Variants in GRIK3 observed in about 807,000 individuals in gnomAD.
GRIK3 encodes glutamate ionotropic receptor kainate type subunit 3, also known as glutamate receptor ionotropic, kainate 3.
GRIK3 carries 29 observed loss-of-function variants against 102.5 expected under a neutral mutation model. The observed-to-expected ratio is 0.28, with a 90% CI of 0.21 to 0.39. The LOEUF is 0.39. Among genes scored for constraint, GRIK3 ranks in the 10% least tolerant of loss-of-function variants. The pLI is 1.00. For synonymous variants in GRIK3, 511 were observed against 504.9 expected, an observed-to-expected ratio of 1.01 and a Z score of -0.16; for missense variants, 908 against 1,252.4, an observed-to-expected ratio of 0.73 and a Z score of 4.15.
intron 2 of GRIK3, among the ~76,000 whole-genome samples, chr1:36,884,093 G>T (rs1641012653): frequency 1.3e-5 from 2 of 152,156 alleles, no homozygotes; most frequent in Non-Finnish European, 2.9e-5. Flanking sequence ...GGCAACCCAG[G>T]ATTCATTGTG....
At chr1:37,028,823 C>G (rs966593392) in intron 1 of GRIK3, among the ~76,000 whole-genome samples, 1 of 152,198 alleles carries the variant, frequency 6.6e-6, no homozygotes, top group Non-Finnish European at 1.5e-5. Flanking sequence ...GTTCCCTCAC[C>G]TGTAAAATGG....
At chr1:36,922,322 G>T (rs998888094) in intron 1 of GRIK3, among the ~76,000 whole-genome samples, 1 of 152,174 alleles carries the variant, frequency 6.6e-6, no homozygotes. Context: ...GAGGTCAGGC[G>T]GTGGGTTCTG....
intron 1 of GRIK3, among the ~76,000 whole-genome samples, chr1:36,896,396 G>A (rs567892): frequency 0.045 from 6,797 of 152,178 alleles, 405 homozygotes; most frequent in African/African-American, 0.13. Context: ...TTTTGTTACT[G>A]TAAAATACTC....
intron 1 of GRIK3, among the ~76,000 whole-genome samples, chr1:36,991,628 T>G (rs1642364510): frequency 6.6e-6 from 1 of 152,202 alleles, no homozygotes; most frequent in Non-Finnish European, 1.5e-5. Flanking sequence ...CGCCAACTCA[T>G]GTCTCACTGA....
At chr1:36,906,245 A>G (rs1268058848) in intron 1 of GRIK3, among the ~76,000 whole-genome samples, 2 of 152,184 alleles carry the variant, frequency 1.3e-5, no homozygotes, top group East Asian at 3.9e-4. Flanking sequence ...GAGGTTCCCA[A>G]TTCAGGTTTC....
intron 1 of GRIK3, among the ~76,000 whole-genome samples, chr1:36,916,718 T>C (rs1641405921): frequency 1.3e-5 from 2 of 152,142 alleles, no homozygotes; most frequent in Non-Finnish European, 2.9e-5. Flanking sequence ...AAGTCAAGAA[T>C]TGAGGTTTGG....
intron 7 of GRIK3, among the ~76,000 whole-genome samples, chr1:36,858,671 T>G (rs1477940075): frequency 6.6e-6 from 1 of 152,170 alleles, no homozygotes; most frequent in Non-Finnish European, 1.5e-5. Flanking sequence ...TTGACCCTCC[T>G]CCTGCACTAA....
intron 13 of GRIK3, among the ~76,000 whole-genome samples, chr1:36,816,635 T>G (rs1450991582): frequency 6.6e-6 from 1 of 152,184 alleles, no homozygotes; most frequent in African/African-American, 2.4e-5. Flanking sequence ...TCTCAAGATT[T>G]GGCCCTGCTG....
chr1:36,970,403 T>C (rs960510409), intron 1 of GRIK3, among the ~76,000 whole-genome samples: 1 of 152,200 alleles, frequency 6.6e-6, no homozygotes, highest in African/African-American at 2.4e-5. Context: ...TCAAATGACA[T>C]TTCTAGCCTT....
chr1:36,949,783 T>C (rs1318050116), intron 1 of GRIK3, among the ~76,000 whole-genome samples: 1 of 152,088 alleles, frequency 6.6e-6, no homozygotes, highest in Admixed American at 6.5e-5. Context: ...GTCACCATGT[T>C]GGCCAGGATG....
intron 1 of GRIK3, among the ~76,000 whole-genome samples, chr1:37,003,505 T>C (rs1642500461): frequency 6.6e-6 from 1 of 152,166 alleles, no homozygotes; most frequent in Admixed American, 6.5e-5. Context: ...TGTCTGAGCT[T>C]CTGGATCCGG....
chr1:36,803,521 C>T (rs143716886), intron 15 of GRIK3, among the ~76,000 whole-genome samples: 1 of 152,178 alleles, frequency 6.6e-6, no homozygotes, highest in Non-Finnish European at 1.5e-5. Flanking sequence ...ACCTCCACCT[C>T]CTGGGTTCAA....
At chr1:36,922,368 A>G (rs1244215402) in intron 1 of GRIK3, among the ~76,000 whole-genome samples, 1 of 152,174 alleles carries the variant, frequency 6.6e-6, no homozygotes, top group Non-Finnish European at 1.5e-5. Context: ...CTTAAGCAGC[A>G]TCCCCAAGCT....
intron 1 of GRIK3, among the ~76,000 whole-genome samples, chr1:36,922,031 G>C (rs963801353): frequency 4.6e-5 from 7 of 152,204 alleles, no homozygotes; most frequent in Non-Finnish European, 8.8e-5. Flanking sequence ...GCCCCACAGA[G>C]GGGTAGGCCC....
chr1:37,006,293 T>G (rs1295845096), intron 1 of GRIK3, among the ~76,000 whole-genome samples: 1 of 152,208 alleles, frequency 6.6e-6, no homozygotes, highest in Non-Finnish European at 1.5e-5. Flanking sequence ...GCCTTAGCCC[T>G]CTGGCACCCA....
intron 1 of GRIK3, among the ~76,000 whole-genome samples, chr1:37,024,286 G>C (rs1038594753): frequency 6.6e-6 from 1 of 152,016 alleles, no homozygotes; most frequent in African/African-American, 2.4e-5. Flanking sequence ...CTCTAGTGTA[G>C]GACAGGGAAC....
At position 36,860,819 on chromosome 1, in the gene GRIK3, G is replaced by A. The variant is rs147295871; in HGVS notation, c.787-802C>T. Among the ~76,000 whole-genome samples the A allele has an allele frequency of 7.9e-5, 12 of 152,332 alleles. No individual in the cohort carries two copies. The East Asian group carries it at 1.7e-3, about 22-fold the overall frequency. On this transcript the variant is annotated intron_variant, in intron 5 of 15. Coordinates refer to ENST00000373091, the MANE Select transcript of GRIK3 (RefSeq NM_000831.4). ...GAGGAACAAAGCTGAGCTCTGTCCT[G>A]TTGAAAACCACGCAAACCTGGAAAT... is the stretch of plus-strand genomic sequence containing the variant.
At chr1:36,824,069 G>A (rs1181923053) in intron 11 of GRIK3, among the ~76,000 whole-genome samples, 1 of 152,048 alleles carries the variant, frequency 6.6e-6, no homozygotes, top group Non-Finnish European at 1.5e-5. Context: ...TCTTCTCAGG[G>A]GTCTCCTATC....
At chr1:36,808,600 C>T (rs1642526043) in intron 13 of GRIK3, among the ~76,000 whole-genome samples, 1 of 152,160 alleles carries the variant, frequency 6.6e-6, no homozygotes, top group Admixed American at 6.5e-5. Flanking sequence ...GAGCTGAGTC[C>T]TGCCAACAAG....
Sources: allele counts gnomAD v4.1 joint callset (sites outside exome capture counted in the v4.1 genomes callset), GRCh38; gene constraint gnomAD v4.1.1; transcripts MANE v1.5; gene names NCBI Gene and HGNC (gene_info 2026-07-23, HGNC 2026-07-21).